NFIB: variants seen among roughly 807,000 people sequenced by gnomAD.
NFIB encodes the protein nuclear factor 1 B-type.
Under a neutral mutation model 61.5 loss-of-function variants are expected in NFIB, and 11 were observed. The ratio of observed to expected loss-of-function variants is 0.18; its 90% CI spans 0.11 to 0.30. NFIB has a LOEUF of 0.30. NFIB is among the 10% of genes least tolerant of loss of function. NFIB has a pLI of 1.00. For missense variants in NFIB, 471 were observed against 608.9 expected, an observed-to-expected ratio of 0.77 and a Z score of 2.38; for synonymous variants, 260 against 216.5, an observed-to-expected ratio of 1.20 and a Z score of -1.76.
At chr9:14,298,612 C>T (rs904177612) in intron 2 of NFIB, among the ~76,000 whole-genome samples, 8 of 152,080 alleles carry the variant, frequency 5.3e-5, no homozygotes, top group African/African-American at 1.9e-4. Context: ...ACAGCCAGAC[C>T]ATGTCAAACA....
chr9:14,454,407 A>G, the NFIB span, among the ~76,000 whole-genome samples: 2 of 152,246 alleles, frequency 1.3e-5, no homozygotes, highest in Non-Finnish European at 2.9e-5. Flanking sequence ...TTTGAATGAC[A>G]TCAAGTTATT....
intron 2 of NFIB, among the ~76,000 whole-genome samples, chr9:14,236,577 A>T (rs1273595425): frequency 6.6e-6 from 1 of 152,184 alleles, no homozygotes; most frequent in Non-Finnish European, 1.5e-5. Context: ...GGACTAACTG[A>T]AGAGGGAAGT....
chr9:14,391,299 G>A (rs957713532), intron 1 of NFIB, among the ~76,000 whole-genome samples: 1 of 151,770 alleles, frequency 6.6e-6, no homozygotes, highest in South Asian at 2.1e-4. Flanking sequence ...GTTAGGGTAG[G>A]TAGTTAGGCA....
intron 1 of NFIB, among the ~76,000 whole-genome samples, chr9:14,324,181 C>CA (rs796665483): frequency 9.5e-4 from 144 of 152,284 alleles, no homozygotes; most frequent in African/African-American, 3.3e-3. Flanking sequence ...AGCTATAACT[C>CA]AGTCTCCCCA....
At chr9:14,090,622 G>T (rs898812803) in intron 10 of NFIB, among the ~76,000 whole-genome samples, 1 of 151,972 alleles carries the variant, frequency 6.6e-6, no homozygotes, top group Non-Finnish European at 1.5e-5. Context: ...TACAAAAATG[G>T]TTATACATTA....
At chr9:14,172,683 T>C (rs2045698157) in intron 3 of NFIB, among the ~76,000 whole-genome samples, 1 of 152,230 alleles carries the variant, frequency 6.6e-6, no homozygotes, top group South Asian at 2.1e-4. Context: ...GCCTCCTTTA[T>C]AAAATCTCTA....
intron 2 of NFIB, among the ~76,000 whole-genome samples, chr9:14,234,310 G>A (rs566269683): frequency 1.3e-5 from 2 of 151,960 alleles, no homozygotes; most frequent in East Asian, 1.9e-4. Context: ...CTACCTCATG[G>A]TGTAGTAGGA....
chr9:14,300,439 T>A (rs2059688484), intron 2 of NFIB, among the ~76,000 whole-genome samples: 1 of 152,216 alleles, frequency 6.6e-6, no homozygotes, highest in Admixed American at 6.5e-5. Flanking sequence ...CCGCAAGTTC[T>A]ACTTTCATCA....
chr9:14,267,839 C>A (rs976821583), intron 2 of NFIB, among the ~76,000 whole-genome samples: 2 of 152,106 alleles, frequency 1.3e-5, no homozygotes, highest in Non-Finnish European at 2.9e-5. Context: ...GTTTTAGGTT[C>A]TAAATATTCA....
intron 2 of NFIB, among the ~76,000 whole-genome samples, chr9:14,236,201 T>C (rs1179337943): frequency 1.3e-5 from 2 of 152,198 alleles, no homozygotes; most frequent in Non-Finnish European, 2.9e-5. Flanking sequence ...GGCATCTTTA[T>C]GAATTTAAGG....
At chr9:14,129,700 C>T (rs928434127) in intron 6 of NFIB, among the ~76,000 whole-genome samples, 2 of 151,852 alleles carry the variant, frequency 1.3e-5, no homozygotes, top group Non-Finnish European at 2.9e-5. Context: ...AAACAAATAC[C>T]ACGCTTTACA....
chr9:14,151,340 C>T (rs567100777), intron 4 of NFIB, among the ~76,000 whole-genome samples: 1 of 152,230 alleles, frequency 6.6e-6, no homozygotes, highest in African/African-American at 2.4e-5. Flanking sequence ...AACCTGTTCG[C>T]TGAAAATTTG....
At chr9:14,510,658 T>A in the NFIB span, among the ~76,000 whole-genome samples, 4 of 152,220 alleles carry the variant, frequency 2.6e-5, no homozygotes, top group Non-Finnish European at 4.4e-5. Context: ...AAAAGTAAGT[T>A]GAAAAACATA....
chr9:14,215,395 G>A (rs1017003646), intron 2 of NFIB, among the ~76,000 whole-genome samples: 3 of 142,070 alleles, frequency 2.1e-5, no homozygotes, highest in African/African-American at 3.1e-5. Context: ...AAGAAGAAAC[G>A]ATTATTAAAA....
Position 14,334,667 on chromosome 9 carries a change from T to TA in NFIB, c.109-27148_109-27147insT, listed in dbSNP as rs199593948. ...CTCTTTTAATGTTGCAATATTTTTT[T>TA]TAAAAAAACATGTTTATTCAGGTGT... On this transcript the variant is annotated intron_variant, in intron 1 of 8. Coordinates refer to the NFIB transcript ENST00000380934. Among the ~76,000 whole-genome samples the TA allele has an allele frequency of 1.8e-4, 27 of 152,292 alleles. No individual in the cohort carries two copies. The East Asian group carries it at 4.2e-3, about 24-fold the overall frequency.
At position 14,214,694 on chromosome 9, in the gene NFIB, A is replaced by C. The variant is rs191821169; in HGVS notation, c.563-34914T>G. On this transcript the variant is annotated intron_variant, in intron 2 of 10. Coordinates refer to ENST00000380953, the MANE Select transcript of NFIB (RefSeq NM_001190737.2). ...CCAACATTTTTGAACTTCATGGTCT[A>C]TAAATTTGTACTGTTTCCCATATTT... 1.6e-4 allele frequency among the ~76,000 whole-genome samples: 25 copies of C among 152,364 alleles called. No individual in the cohort carries two copies. In the East Asian group the frequency reaches 4.6e-3, roughly 28 times the overall value.
chr9:14,147,636 C>CTTTTT (rs34256054), intron 5 of NFIB, among the ~76,000 whole-genome samples: 12 of 108,666 alleles, frequency 1.1e-4, no homozygotes, highest in Middle Eastern at 6.7e-3. Flanking sequence ...TAAAATGATA[C>CTTTTT]TTTTTTTTTT....
At chr9:14,270,579 CAAAAAAAAAAAAAAA>C (rs147823074) in intron 2 of NFIB, among the ~76,000 whole-genome samples, 1 of 54,376 alleles carries the variant, frequency 1.8e-5, no homozygotes, top group African/African-American at 7.3e-5. Context: ...CCTTAGATCA[CAAAAAAAAAAAAAAA>C]AAAAAAAAAA....
At chr9:14,376,143 C>CTT (rs2061416565) in intron 1 of NFIB, among the ~76,000 whole-genome samples, 1 of 152,170 alleles carries the variant, frequency 6.6e-6, no homozygotes, top group African/African-American at 2.4e-5. Flanking sequence ...ACACTACAGT[C>CTT]TTAAACTCCT....
Sources: allele counts gnomAD v4.1 joint callset (sites outside exome capture counted in the v4.1 genomes callset), GRCh38; gene constraint gnomAD v4.1.1; transcripts MANE v1.5; gene names NCBI Gene and HGNC (gene_info 2026-07-23, HGNC 2026-07-21).